The following PHF24 variants were observed in gnomAD, a reference collection of about 807,000 sequenced individuals.
PHF24 encodes Galpha inhibitory interacting protein.
PHF24 carries 25 observed loss-of-function variants against 42.6 expected under a neutral mutation model. The observed-to-expected ratio is 0.59, with a 90% confidence interval of 0.43 to 0.82. The LOEUF (loss-of-function observed/expected upper bound fraction) is 0.82, where lower values mean the gene tolerates loss of function less well. PHF24 is among the 40% of genes least tolerant of loss of function. PHF24 has a pLI of 0.00. For missense variants in PHF24, 470 were observed against 538.1 expected (o/e 0.87, Z 1.25); for synonymous variants, 185 against 204.8 (o/e 0.90, Z 0.83).
the PHF24 span, among the ~76,000 whole-genome samples, chr9:34,683,557 C>T: frequency 1.3e-5 from 2 of 152,300 alleles, no homozygotes; most frequent in East Asian, 3.9e-4. Flanking sequence ...ACACTCCAGC[C>T]CCATACATAC....
the PHF24 span, among the ~76,000 whole-genome samples, chr9:34,795,533 G>A: frequency 6.6e-6 from 1 of 151,946 alleles, no homozygotes. Flanking sequence ...CAAGAGAAAT[G>A]GTAAAATTCT....
the PHF24 span, among the ~76,000 whole-genome samples, chr9:34,768,584 T>C: frequency 6.6e-6 from 1 of 152,176 alleles, no homozygotes; most frequent in Non-Finnish European, 1.5e-5. Flanking sequence ...AATGGGATGT[T>C]GTAAATTAAA....
At chr9:34,809,491 T>C in the PHF24 span, among the ~76,000 whole-genome samples, 1 of 152,194 alleles carries the variant, frequency 6.6e-6, no homozygotes, top group East Asian at 1.9e-4. The surrounding 1 kb of genome is among the most constrained non-coding windows in gnomAD (Gnocchi z 4.1). Context: ...CAGCCCAGCT[T>C]TCCTGCTGGA....
intron 3 of PHF24, among the ~76,000 whole-genome samples, chr9:34,974,855 A>C (rs1262820045): frequency 6.6e-6 from 1 of 152,100 alleles, no homozygotes; most frequent in Non-Finnish European, 1.5e-5. Flanking sequence ...ATCTCTGTGA[A>C]TAGTAATACC....
the PHF24 span, among the ~76,000 whole-genome samples, chr9:34,705,442 C>T: frequency 6.7e-6 from 1 of 150,044 alleles, no homozygotes; most frequent in Non-Finnish European, 1.5e-5. Context: ...CATGCCACTA[C>T]ACCAGCTACT....
chr9:34,979,250 C>G (rs1235478017), exon 8 of PHF24: 1 of 126,346 alleles, frequency 7.9e-6, no homozygotes, highest in African/African-American at 2.4e-5. Context: ...CCTGGGAAAG[C>G]CTTACAGAAG....
the PHF24 span, among the ~76,000 whole-genome samples, chr9:34,699,427 TG>T: frequency 6.6e-6 from 1 of 152,202 alleles, no homozygotes; most frequent in Non-Finnish European, 1.5e-5. Flanking sequence ...GAAGAAGAGA[TG>T]GTCTGAGGTT....
At chr9:34,729,144 T>C in the PHF24 span, 1 of 1,054,972 alleles carries the variant, frequency 9.5e-7, no homozygotes, top group Non-Finnish European at 1.3e-6. Flanking sequence ...AATTATAGTC[T>C]CTGAGAAGAA....
At chr9:34,888,038 A>G in the PHF24 span, among the ~76,000 whole-genome samples, 2 of 151,966 alleles carry the variant, frequency 1.3e-5, no homozygotes, top group African/African-American at 4.8e-5. Flanking sequence ...GTGAGTCACT[A>G]TTCTCTGACA....
chr9:34,917,030 C>T, the PHF24 span: 3 of 551,596 alleles, frequency 5.4e-6, no homozygotes, highest in Non-Finnish European at 9.9e-6. Context: ...AAAGTGTGAA[C>T]ACAAATCATG....
chr9:34,971,392 C>T, exon 2 of PHF24: 12 of 1,614,142 alleles, frequency 7.4e-6, no homozygotes, highest in Non-Finnish European at 1.0e-5. Flanking sequence ...GCGGGACAGG[C>T]CTTCCATCCG....
chr9:34,921,154 G>A, the PHF24 span, among the ~76,000 whole-genome samples: 1 of 151,146 alleles, frequency 6.6e-6, no homozygotes, highest in Non-Finnish European at 1.5e-5. Context: ...TTTTGTTGAG[G>A]TATGTCTCAT....
At chr9:34,813,493 C>T in the PHF24 span, among the ~76,000 whole-genome samples, 1 of 152,150 alleles carries the variant, frequency 6.6e-6, no homozygotes, top group Non-Finnish European at 1.5e-5. Flanking sequence ...GTTGTCTGGG[C>T]AGCATTCTCA....
chr9:34,767,099 C>G, the PHF24 span, among the ~76,000 whole-genome samples: 10 of 152,184 alleles, frequency 6.6e-5, no homozygotes, highest in African/African-American at 1.9e-4. Context: ...TGTGAGGTGT[C>G]AGTCTGCCCC....
the PHF24 span, among the ~76,000 whole-genome samples, chr9:34,746,048 G>A: frequency 6.6e-6 from 1 of 152,092 alleles, no homozygotes; most frequent in Non-Finnish European, 1.5e-5. Context: ...TCCTCTTAAG[G>A]TCAATGACAA....
the PHF24 span, among the ~76,000 whole-genome samples, chr9:34,715,127 G>GT: frequency 3.3e-5 from 5 of 152,090 alleles, no homozygotes; most frequent in African/African-American, 9.7e-5. Flanking sequence ...GAAGGAAGCA[G>GT]TAGGGGCTTT....
the PHF24 span, among the ~76,000 whole-genome samples, chr9:34,720,381 C>T: frequency 6.7e-6 from 1 of 149,050 alleles, no homozygotes; most frequent in African/African-American, 2.5e-5. Flanking sequence ...GGAAGCGGAG[C>T]TTGCAGTGAG....
At chr9:34,744,899 C>G in the PHF24 span, among the ~76,000 whole-genome samples, 3 of 152,200 alleles carry the variant, frequency 2.0e-5, no homozygotes, top group East Asian at 5.8e-4. Flanking sequence ...AGGTCCATGA[C>G]ATACTCATTA....
chr9:34,761,039 T>C, the PHF24 span, among the ~76,000 whole-genome samples: 1 of 152,044 alleles, frequency 6.6e-6, no homozygotes. Flanking sequence ...ATCCTGCCCT[T>C]ACATCAGAAT....
Sources: allele counts gnomAD v4.1 joint callset (sites outside exome capture counted in the v4.1 genomes callset), GRCh38; gene constraint gnomAD v4.1.1; non-coding constraint Gnocchi (gnomAD v3.1); transcripts MANE v1.5; gene names NCBI Gene and HGNC (gene_info 2026-07-23, HGNC 2026-07-21).